Variants in PUDP observed in about 807,000 individuals in gnomAD.
PUDP encodes pseudouridine 5'-phosphatase.
In PUDP, 8 loss-of-function variants were observed where a neutral mutation model predicts 9.4. The ratio of observed to expected loss-of-function variants is 0.85; its 90% confidence interval spans 0.50 to 1.53. The LOEUF (loss-of-function observed/expected upper bound fraction) is 1.53. PUDP is among the 40% of genes most tolerant of loss of function. The pLI, the probability that PUDP is intolerant of heterozygous loss-of-function variation, is 0.00. For synonymous variants in PUDP, 99 were observed against 80.7 expected (o/e 1.23, Z -1.22); for missense variants, 188 against 189.7 (o/e 0.99, Z 0.05).
At chrX:6,970,238 T>C (rs1569133083) in intron 3 of PUDP, among the ~76,000 whole-genome samples, 1 of 112,512 alleles carries the variant, frequency 8.9e-6, no homozygotes, top group Non-Finnish European at 1.9e-5. Flanking sequence ...CATTTAGCCA[T>C]TTTGAAAATC....
intron 2 of PUDP, among the ~76,000 whole-genome samples, chrX:6,705,954 A>G (rs1416919325): frequency 1.8e-5 from 2 of 112,671 alleles, no homozygotes; most frequent in Admixed American, 1.9e-4. Context: ...GTATGTACAC[A>G]ATGGAATATA....
intron 1 of PUDP, among the ~76,000 whole-genome samples, chrX:6,992,561 C>T (rs1929199344): frequency 9.1e-6 from 1 of 110,057 alleles, no homozygotes; most frequent in African/African-American, 3.3e-5. Flanking sequence ...CGTGAACCAC[C>T]GCGCCCGGCC....
At chrX:6,722,559 A>C (rs1376411820), upstream of PUDP, among the ~76,000 whole-genome samples, 1 of 112,304 alleles carries the variant, frequency 8.9e-6, no homozygotes, top group Non-Finnish European at 1.9e-5. Context: ...TAAATGCATA[A>C]ATTTTAAAGG....
At chrX:6,708,269 G>T (rs868385264) in intron 1 of PUDP, among the ~76,000 whole-genome samples, 1 of 111,412 alleles carries the variant, frequency 9.0e-6, no homozygotes, top group African/African-American at 3.3e-5. Context: ...GGGAAGCAAG[G>T]ATGCCCCAAG....
chrX:7,048,640 T>C (rs1172506599), downstream of PUDP, among the ~76,000 whole-genome samples: 1 of 112,165 alleles, frequency 8.9e-6, no homozygotes, highest in Non-Finnish European at 1.9e-5. Context: ...ATTACACCCA[T>C]TTGTCTTATT....
At chrX:7,038,847 T>A (rs1691387127) in intron 1 of PUDP, among the ~76,000 whole-genome samples, 1 of 112,177 alleles carries the variant, frequency 8.9e-6, no homozygotes, top group South Asian at 3.7e-4. Context: ...GGGATGAATA[T>A]CGTTCTTTCC....
intron 1 of PUDP, among the ~76,000 whole-genome samples, chrX:6,708,702 C>G (rs745788575): frequency 8.9e-6 from 1 of 111,798 alleles, no homozygotes; most frequent in African/African-American, 3.3e-5. Context: ...CATTTATTGC[C>G]AGGATCTCCA....
intron 1 of PUDP, among the ~76,000 whole-genome samples, chrX:7,136,389 G>A (rs991715131): frequency 4.5e-5 from 5 of 112,168 alleles, no homozygotes; most frequent in African/African-American, 1.6e-4. Context: ...TTATCAGTCA[G>A]TGACTTCTGA....
At chrX:6,707,771 C>T (rs932494602) in intron 1 of PUDP, among the ~76,000 whole-genome samples, 12 of 111,978 alleles carry the variant, frequency 1.1e-4, no homozygotes, top group Non-Finnish European at 1.7e-4. Context: ...GCCACAGACC[C>T]GTCAGTGGCT....
intron 1 of PUDP, among the ~76,000 whole-genome samples, chrX:6,711,310 T>C (rs1325010939): frequency 1.8e-5 from 2 of 110,687 alleles, no homozygotes; most frequent in African/African-American, 6.6e-5. Context: ...GGACTGAGGG[T>C]GGAAACCCCG....
chrX:6,895,903 G>C (rs1443972853), intron 3 of PUDP, among the ~76,000 whole-genome samples: 1 of 110,595 alleles, frequency 9.0e-6, no homozygotes, highest in East Asian at 2.8e-4. Context: ...GTCCTCACGT[G>C]GGGGAAGGGG....
intron 3 of PUDP, among the ~76,000 whole-genome samples, chrX:6,968,622 C>T (rs1273411736): frequency 1.8e-5 from 2 of 109,680 alleles, no homozygotes; most frequent in Non-Finnish European, 1.9e-5. Context: ...AATTAGTTTC[C>T]ACCTTCTTCA....
intron 2 of PUDP, among the ~76,000 whole-genome samples, chrX:7,091,498 C>T (rs1332835370): frequency 1.8e-5 from 2 of 111,558 alleles, no homozygotes; most frequent in South Asian, 3.8e-4. Flanking sequence ...GCCACCATGC[C>T]CAGCTAATTT....
At chrX:6,998,779 T>C (rs1457733627) in intron 1 of PUDP, among the ~76,000 whole-genome samples, 1 of 111,797 alleles carries the variant, frequency 8.9e-6, no homozygotes, top group Non-Finnish European at 1.9e-5. Context: ...TCAGTGTGAG[T>C]GGTATTATAG....
intron 3 of PUDP, among the ~76,000 whole-genome samples, chrX:6,868,340 G>A (rs1046946810): frequency 8.9e-6 from 1 of 112,074 alleles, no homozygotes; most frequent in African/African-American, 3.2e-5. Flanking sequence ...AAAGCTGAGT[G>A]GCCTGACCCT....
chrX:7,139,147 A>G (rs1932773835), intron 1 of PUDP, among the ~76,000 whole-genome samples: 1 of 112,109 alleles, frequency 8.9e-6, no homozygotes, highest in Non-Finnish European at 1.9e-5. Context: ...GATTTTACCA[A>G]TCATGTTTTA....
Position 7,023,319 on chromosome X carries a change from A to T in PUDP, c.205-44976T>A, listed in dbSNP as rs144304924. Among the ~76,000 whole-genome samples, 979 of 112,175 alleles carry T rather than the reference A, an allele frequency of 8.7e-3. 13 individuals carry two copies. The highest frequency in any genetic ancestry group is 0.029 in the African/African-American group (911 of 30,895). ...CACAGTGTTTGGCATCCAATCAAAA[A>T]TGTCTAGGCATGCAAAGAAGCAGGA... On this transcript the variant is annotated intron_variant and NMD_transcript_variant, in intron 1 of 3. Coordinates refer to the PUDP transcript ENST00000655425.
chrX:7,074,046 G>C (rs1358723280), intron 3 of PUDP, among the ~76,000 whole-genome samples: 1 of 112,638 alleles, frequency 8.9e-6, no homozygotes, highest in African/African-American at 3.2e-5. Flanking sequence ...TGCAATGGCA[G>C]CATGTGGTTT....
rs1220918260 is a variant in PUDP at position 7,081,359 on chromosome X, A to AT, written c.281-3911_281-3910insA. On this transcript the variant is annotated intron_variant, in intron 2 of 3. Transcript: ENST00000381077. The stretch of plus-strand genomic sequence containing the variant: ...TGTAGAGACAGGGTCTCCCTATGTT[A>AT]GCTAAGCTAGTCTTGAAGTTCTGCT... 3.6e-5 allele frequency among the ~76,000 whole-genome samples: 4 copies of AT among 111,644 alleles called. 1 individual carries two copies. In the South Asian group the frequency reaches 1.5e-3, roughly 42 times the overall value.
Sources: gnomAD v4.1 joint callset for allele counts (sites outside exome capture counted in the v4.1 genomes callset) on GRCh38, gnomAD v4.1.1 for gene constraint, MANE v1.5 for transcripts, NCBI Gene and HGNC (gene_info 2026-07-23, HGNC 2026-07-21) for gene names.